Variants in CTDP1 observed in about 807,000 individuals in gnomAD.
CTDP1 encodes the protein CTD phosphatase 1.
In CTDP1, 47 loss-of-function variants were observed where a neutral mutation model predicts 91.8. The observed-to-expected ratio is 0.51, with a 90% CI of 0.41 to 0.65. The LOEUF is 0.65. Among genes scored for constraint, CTDP1 ranks in the 30% least tolerant of loss-of-function variants. The probability of loss-of-function intolerance (pLI) is 0.00; values close to 1 mark genes in which losing one functional copy is unlikely to be tolerated. For missense variants in CTDP1, 1,272 were observed against 1,373.7 expected, an observed-to-expected ratio of 0.93 and a Z score of 1.17; for synonymous variants, 656 against 598.5, an observed-to-expected ratio of 1.10 and a Z score of -1.40.
In CTDP1 at chr18:79,679,833, G is replaced by A; in HGVS notation, c.-115G>A. ...GGCGCGGGCTAGGCGACGGGTGGAA[G>A]CCGGTACCGAGAGGAACTACAGCGT... On this transcript the variant is annotated 5_prime_UTR_variant, in exon 1 of 13. Coordinates refer to ENST00000613122, the MANE Select transcript of CTDP1 (RefSeq NM_004715.5). 1 of 1,046,220 alleles carries A rather than the reference G, an allele frequency of 9.6e-7. No individual in the cohort carries two copies. Among genetic ancestry groups the A allele is most frequent in the South Asian group, 1.7e-5 (1 of 60,478 alleles). 64.8% of individuals were successfully genotyped at this position (1,046,220 alleles called of 1,614,324 possible).
intron 10 of CTDP1, among the ~76,000 whole-genome samples, chr18:79,723,824 G>C (rs2086393185): frequency 6.6e-6 from 1 of 152,088 alleles, no homozygotes; most frequent in Non-Finnish European, 1.5e-5. Flanking sequence ...GTCCCTCCCT[G>C]CACCGCGCCC....
chr18:79,732,713 C>T (rs1293416864), intron 11 of CTDP1, among the ~76,000 whole-genome samples: 2 of 151,458 alleles, frequency 1.3e-5, no homozygotes, highest in Non-Finnish European at 2.9e-5. Flanking sequence ...TCGCTGACAT[C>T]AGGAGTGCTC....
rs530640021 is a variant in CTDP1 at position 79,704,683 on chromosome 18, A to T, written c.622-84A>T. Reference sequence around the variant, plus strand: ...TCTGGGGCACACGTGTGTTCTCAGGATGCCTGTCTCGGGCACACAGGTTGC... The same window carrying T: ...TCTGGGGCACACGTGTGTTCTCAGGTTGCCTGTCTCGGGCACACAGGTTGC... On this transcript the variant is annotated intron_variant, in intron 4 of 12. Transcript: ENST00000613122. 139 of 1,555,892 alleles carry T rather than the reference A, an allele frequency of 8.9e-5. No individual in the cohort carries two copies. The South Asian group carries it at 1.5e-3, about 17-fold the overall frequency.
intron 12 of CTDP1, among the ~76,000 whole-genome samples, chr18:79,744,933 C>T (rs536254637): frequency 8.0e-4 from 122 of 152,288 alleles, no homozygotes; most frequent in African/African-American, 2.8e-3. Context: ...TTCAGAGTAA[C>T]GGAGGCTGGT....
intron 4 of CTDP1, 62 bp downstream of exon 4, chr18:79,698,050 C>G: frequency 6.3e-7 from 1 of 1,599,454 alleles, no homozygotes; most frequent in Non-Finnish European, 8.5e-7. Flanking sequence ...AATTTTGATT[C>G]AGAAGTGTGT....
chr18:79,703,849 G>A (rs1296201707), intron 4 of CTDP1, among the ~76,000 whole-genome samples: 4 of 152,006 alleles, frequency 2.6e-5, no homozygotes, highest in Non-Finnish European at 5.9e-5. Flanking sequence ...TATCATAGGT[G>A]GTGACTGTTG....
chr18:79,702,377 A>ATT (rs2085878358), intron 4 of CTDP1, among the ~76,000 whole-genome samples: 1 of 151,992 alleles, frequency 6.6e-6, no homozygotes, highest in African/African-American at 2.4e-5. Context: ...TTTATTTTTT[A>ATT]TTTTTTAATT....
chr18:79,734,512 G>A (rs1281507272), intron 11 of CTDP1, among the ~76,000 whole-genome samples: 1 of 152,236 alleles, frequency 6.6e-6, no homozygotes, highest in African/African-American at 2.4e-5. Context: ...ATAGCAGCAC[G>A]GGGGCACGTG....
intron 7 of CTDP1, 143 bp from the exon 8 acceptor site, chr18:79,714,348 C>G (rs2086148807): frequency 1.1e-6 from 1 of 906,182 alleles, no homozygotes; most frequent in Non-Finnish European, 1.8e-6. Flanking sequence ...CCCTGTCCGG[C>G]CTCTTCACAG....
At chr18:79,688,415 C>T (rs1352338329) in intron 1 of CTDP1, among the ~76,000 whole-genome samples, 2 of 152,240 alleles carry the variant, frequency 1.3e-5, no homozygotes, top group Non-Finnish European at 1.5e-5. Flanking sequence ...CAGGTGCCCA[C>T]CACCATGCCC....
rs1441326651 is a variant in CTDP1, at chr18:79,726,810, G to A, written c.2418-2097G>A. Among the ~76,000 whole-genome samples the A allele has an allele frequency of 3.8e-3, 410 of 106,624 alleles. 3 individuals carry two copies. Among genetic ancestry groups the A allele is most frequent in the African/African-American group, 0.015 (379 of 25,672 alleles). 69.9% of individuals were successfully genotyped at this position (106,624 alleles called of 152,430 possible). A position where few individuals can be genotyped will look rare whatever the true frequency, so the allele number is the denominator to read the frequency against. ...GGCTGTGGGGGAAGGGGGTGACGCT[G>A]TTGCTGGTGGACGGCTGTGGGGGAT... On this transcript the variant is annotated intron_variant, in intron 10 of 12. Coordinates refer to ENST00000613122, the MANE Select transcript of CTDP1 (RefSeq NM_004715.5).
intron 4 of CTDP1, among the ~76,000 whole-genome samples, chr18:79,702,090 C>T (rs1251618581): frequency 6.6e-6 from 1 of 152,220 alleles, no homozygotes; most frequent in Non-Finnish European, 1.5e-5. Flanking sequence ...GAGGATTGCT[C>T]CTAGTTTTGA....
intron 4 of CTDP1, among the ~76,000 whole-genome samples, chr18:79,701,529 TTAAATAAATAAATAAATAAATAAA>T (rs146187493): frequency 5.6e-5 from 8 of 143,360 alleles, no homozygotes; most frequent in South Asian, 2.2e-4. Flanking sequence ...AATAAATAAA[TTAAATAAATAAATAAATAAATAAA>T]TAAATAAATA....
At chr18:79,678,963 T>A, upstream of CTDP1, 1 of 201,956 alleles carries the variant, frequency 5.0e-6, no homozygotes, top group South Asian at 6.4e-5. Context: ...CCCAAAGTGC[T>A]GAGACTACAG....
intron 12 of CTDP1, among the ~76,000 whole-genome samples, chr18:79,749,165 A>G (rs532753722): frequency 2.0e-5 from 3 of 152,340 alleles, no homozygotes; most frequent in South Asian, 4.1e-4. Context: ...TCTTGCTGCC[A>G]TTAGAACTCT....
Position 79,725,616 on chromosome 18 carries a change from A to G in CTDP1, c.2418-3291A>G, listed in dbSNP as rs115353014. 7.8e-3 allele frequency among the ~76,000 whole-genome samples: 1,191 copies of G among 151,846 alleles called. 14 individuals carry two copies. The highest frequency in any genetic ancestry group is 0.027 in the African/African-American group (1,125 of 41,360). On this transcript the variant is annotated intron_variant, in intron 10 of 12. Transcript: ENST00000613122. The stretch of plus-strand genomic sequence containing the variant: ...CTTATGACTTTTGTTTTGACAGTCA[A>G]GTGTGGTCTAGAGAACTCGAGCGGA...
intron 10 of CTDP1, among the ~76,000 whole-genome samples, chr18:79,722,530 C>A (rs528868211): frequency 6.6e-6 from 1 of 152,126 alleles, no homozygotes; most frequent in East Asian, 1.9e-4. Flanking sequence ...TGTTAGGTTG[C>A]GATAATCGTC....
Position 79,679,980 on chromosome 18 carries a change from C to G in CTDP1, c.33C>G (p.Ala11=), listed in dbSNP as rs894184649. Residue 11 remains alanine (A), a synonymous_variant, in exon 1 of 13, where the codon GCC becomes GCG. Coordinates refer to ENST00000613122, the MANE Select transcript of CTDP1 (RefSeq NM_004715.5). MEVPAAGRVP[A]EGAPTAAVAE... is the part of the protein sequence containing the mutation. Reference sequence around the variant, plus strand: ...TGCCGGCCGCGGGTCGCGTTCCTGCCGAGGGCGCCCCGACGGCGGCTGTGG... The same window carrying G: ...TGCCGGCCGCGGGTCGCGTTCCTGCGGAGGGCGCCCCGACGGCGGCTGTGG... The G allele has an allele frequency of 7.4e-7, 1 of 1,354,946 alleles. No homozygotes were observed. 83.9% of individuals were successfully genotyped at this position (1,354,946 alleles called of 1,614,324 possible).
chr18:79,729,210 A>G (rs1599285293), intron 11 of CTDP1, 141 bp downstream of exon 11: 1 of 1,102,868 alleles, frequency 9.1e-7, no homozygotes, highest in Non-Finnish European at 1.4e-6. Context: ...CTGGTTTGGG[A>G]CGAGCACTTG....
Sources: gnomAD v4.1 joint callset for allele counts (sites outside exome capture counted in the v4.1 genomes callset) on GRCh38, gnomAD v4.1.1 for gene constraint, MANE v1.5 for transcripts, NCBI Gene and HGNC (gene_info 2026-07-23, HGNC 2026-07-21) for gene names.